EYS: variants seen among roughly 807,000 people sequenced by gnomAD.
EYS encodes EGF-like photoreceptor maintenance factor, also known as protein eyes shut homolog.
Under a neutral mutation model 282.1 loss-of-function variants are expected in EYS, and 250 were observed. The observed-to-expected ratio is 0.89, with a 90% CI of 0.80 to 0.98. EYS has a LOEUF of 0.98. EYS is among the 50% of genes least tolerant of loss of function. The probability of loss-of-function intolerance (pLI) is 0.00; values close to 1 mark genes in which losing one functional copy is unlikely to be tolerated. For missense variants in EYS, 4,016 were observed against 3,709.0 expected (o/e 1.08, Z -2.15); for synonymous variants, 1,355 against 1,282.9 (o/e 1.06, Z -1.20).
intron 26 of EYS, among the ~76,000 whole-genome samples, chr6:64,546,267 G>A (rs1212101396): frequency 6.6e-6 from 1 of 152,088 alleles, no homozygotes; most frequent in African/African-American, 2.4e-5. Context: ...AACAAGAAAT[G>A]GGGAAATGAT....
chr6:63,992,837 C>T (rs1405156416), intron 34 of EYS, among the ~76,000 whole-genome samples: 1 of 151,656 alleles, frequency 6.6e-6, no homozygotes, highest in East Asian at 2.0e-4. Context: ...TGTCCCCACC[C>T]AAAATCTCAT....
chr6:65,478,653 T>C (rs1485150591), intron 5 of EYS, among the ~76,000 whole-genome samples: 3 of 152,136 alleles, frequency 2.0e-5, no homozygotes, highest in East Asian at 3.9e-4. Context: ...TTACAAGAAA[T>C]TGATCTTTAT....
At chr6:65,298,670 A>C (rs186828721) in intron 11 of EYS, among the ~76,000 whole-genome samples, 1 of 151,786 alleles carries the variant, frequency 6.6e-6, no homozygotes. Flanking sequence ...CTTATTGTTT[A>C]GCATTACCAT....
chr6:65,087,928 T>C (rs943555812), intron 12 of EYS, among the ~76,000 whole-genome samples: 2 of 152,132 alleles, frequency 1.3e-5, no homozygotes, highest in Non-Finnish European at 2.9e-5. Flanking sequence ...ATTAGGACAG[T>C]TTTCCCCATG....
At chr6:64,330,818 C>G (rs1770618269) in intron 29 of EYS, among the ~76,000 whole-genome samples, 1 of 152,134 alleles carries the variant, frequency 6.6e-6, no homozygotes, top group Non-Finnish European at 1.5e-5. Context: ...GTGAAAACCC[C>G]TATATAACCT....
rs148801870 is a variant in EYS at position 64,386,371 on chromosome 6, T to C, written c.6078+2319A>G. Reference sequence around the variant, plus strand: ...CCTCACAATCACAGTGGAAGGCAAATGTGGAGCAAAGTCACGTCTTATATG... The same window carrying C: ...CCTCACAATCACAGTGGAAGGCAAACGTGGAGCAAAGTCACGTCTTATATG... On this transcript the variant is annotated intron_variant, in intron 29 of 42. Coordinates refer to ENST00000503581, the MANE Select transcript of EYS (RefSeq NM_001142800.2). 2.5e-4 allele frequency among the ~76,000 whole-genome samples: 38 copies of C among 152,234 alleles called. No individual in the cohort carries two copies. The East Asian group carries it at 6.6e-3, about 26-fold the overall frequency.
chr6:65,016,977 A>C (rs796967094), intron 13 of EYS, among the ~76,000 whole-genome samples: 18 of 152,186 alleles, frequency 1.2e-4, no homozygotes, highest in African/African-American at 3.9e-4. Flanking sequence ...ATTGTAAAAG[A>C]CCAGAGATGG....
Position 64,453,570 on chromosome 6 carries a change from C to T in EYS, c.5645-14218G>A, listed in dbSNP as rs189096262. Among the ~76,000 whole-genome samples the T allele has an allele frequency of 2.8e-3, 427 of 152,176 alleles. 1 individual carries two copies. In the Middle Eastern group the frequency reaches 0.031, roughly 11 times the overall value. On this transcript the variant is annotated intron_variant, in intron 26 of 42. Coordinates refer to ENST00000503581, the MANE Select transcript of EYS (RefSeq NM_001142800.2). ...GACACATGCACATGTATGTTTACTGCGGCACTATTCACAATAGCAAAGACT... is the reference window on the plus strand; with the variant it reads ...GACACATGCACATGTATGTTTACTGTGGCACTATTCACAATAGCAAAGACT...
At chr6:64,151,607 G>A (rs1455200065) in intron 31 of EYS, among the ~76,000 whole-genome samples, 15 of 151,370 alleles carry the variant, frequency 9.9e-5, no homozygotes, top group Admixed American at 7.3e-4. Context: ...TGATCCACCC[G>A]CCTCAGCCTT....
chr6:64,840,355 C>G (rs369456672), intron 19 of EYS, among the ~76,000 whole-genome samples: 4 of 152,126 alleles, frequency 2.6e-5, no homozygotes, highest in South Asian at 2.1e-4. Context: ...AACTTGCAGT[C>G]TATGATTTCT....
intron 12 of EYS, among the ~76,000 whole-genome samples, chr6:65,209,217 A>C (rs1388526939): frequency 6.6e-6 from 1 of 151,774 alleles, no homozygotes; most frequent in Non-Finnish European, 1.5e-5. Flanking sequence ...TCAGGTAGTA[A>C]AATGTAATAG....
chr6:65,417,063 T>C (rs970619817), intron 5 of EYS, among the ~76,000 whole-genome samples: 1 of 151,984 alleles, frequency 6.6e-6, no homozygotes, highest in African/African-American at 2.4e-5. Flanking sequence ...AAAGTAATTA[T>C]GTAAAAAGTT....
chr6:63,960,203 A>T (rs1367101358), intron 35 of EYS, among the ~76,000 whole-genome samples: 1 of 152,174 alleles, frequency 6.6e-6, no homozygotes, highest in African/African-American at 2.4e-5. Flanking sequence ...AGGAGTTTGG[A>T]AGAAGTTGAT....
At chr6:64,584,681 T>C (rs1290723470) in intron 26 of EYS, among the ~76,000 whole-genome samples, 1 of 152,108 alleles carries the variant, frequency 6.6e-6, no homozygotes, top group Non-Finnish European at 1.5e-5. Flanking sequence ...CATATAGTTT[T>C]TATTTGCAAA....
In EYS at chr6:65,344,024, T is replaced by G; in HGVS notation, c.1599+14A>C. ...AAGAGAAAAATGAAAAGCAACTACATAAAATTACCTTACCTCTTTTGTGCC... is the reference window on the plus strand; with the variant it reads ...AAGAGAAAAATGAAAAGCAACTACAGAAAATTACCTTACCTCTTTTGTGCC... On this transcript the variant is annotated intron_variant, in intron 10 of 42. Coordinates refer to ENST00000503581, the MANE Select transcript of EYS (RefSeq NM_001142800.2). 1 of 1,606,776 alleles carries G rather than the reference T, an allele frequency of 6.2e-7. No individual in the cohort carries two copies. Among genetic ancestry groups the G allele is most frequent in the Non-Finnish European group, 8.5e-7 (1 of 1,174,990 alleles).
At chr6:65,370,866 G>C (rs1452538138) in intron 8 of EYS, among the ~76,000 whole-genome samples, 1 of 151,854 alleles carries the variant, frequency 6.6e-6, no homozygotes, top group Non-Finnish European at 1.5e-5. Flanking sequence ...AAGAAAGTTA[G>C]TACCATATAA....
intron 23 of EYS, 112 bp from the exon 24 acceptor site, chr6:64,617,645 T>A: frequency 2.9e-6 from 2 of 679,324 alleles, no homozygotes; most frequent in Non-Finnish European, 5.2e-6. Flanking sequence ...ATGCTAGATG[T>A]TTTGTACAAA....
intron 12 of EYS, among the ~76,000 whole-genome samples, chr6:65,237,645 C>T (rs1260344247): frequency 2.0e-5 from 3 of 152,086 alleles, no homozygotes; most frequent in Non-Finnish European, 2.9e-5. Flanking sequence ...AACAGTTATG[C>T]TTTTGGTGTC....
chr6:65,643,008 T>TC (rs1767330203), intron 1 of EYS, among the ~76,000 whole-genome samples: 2 of 152,148 alleles, frequency 1.3e-5, no homozygotes, highest in Non-Finnish European at 2.9e-5. Context: ...CACAGGAAAA[T>TC]ACCAGGAAAG....
Sources: gnomAD v4.1 joint callset for allele counts (sites outside exome capture counted in the v4.1 genomes callset) on GRCh38, gnomAD v4.1.1 for gene constraint, MANE v1.5 for transcripts, NCBI Gene and HGNC (gene_info 2026-07-23, HGNC 2026-07-21) for gene names.